The following CCR3 variants were observed in gnomAD, a reference collection of about 807,000 sequenced individuals.
CCR3 encodes the protein C-C chemokine receptor type 3.
For missense variants in CCR3, 419 were observed against 437.5 expected, an observed-to-expected ratio of 0.96 and a Z score of 0.38; for synonymous variants, 203 against 179.2, an observed-to-expected ratio of 1.13 and a Z score of -1.06.
At chr3:46,228,708 CA>C (rs1197714003) in intron 2 of CCR3, among the ~76,000 whole-genome samples, 33 of 152,336 alleles carry the variant, frequency 2.2e-4, no homozygotes, top group African/African-American at 7.7e-4. Context: ...TATTCTCTGC[CA>C]TTTGATAACT....
intron 2 of CCR3, among the ~76,000 whole-genome samples, chr3:46,223,330 A>G (rs1407317117): frequency 6.6e-6 from 1 of 151,866 alleles, no homozygotes; most frequent in African/African-American, 2.4e-5. Flanking sequence ...ACAGAGCAAG[A>G]CTCTGTCTTG....
At chr3:46,223,881 C>A (rs146725451) in intron 2 of CCR3, among the ~76,000 whole-genome samples, 1 of 152,240 alleles carries the variant, frequency 6.6e-6, no homozygotes, top group East Asian at 1.9e-4. Flanking sequence ...CAGTGGATGA[C>A]TTGAGCAGGT....
chr3:46,257,541 G>C (rs1700452761), intron 1 of CCR3, among the ~76,000 whole-genome samples: 2 of 149,110 alleles, frequency 1.3e-5, no homozygotes, highest in African/African-American at 4.9e-5. Flanking sequence ...ATGAAATTTT[G>C]AGTAGGAATT....
At chr3:46,222,700 G>A (rs1341343971) in intron 2 of CCR3, among the ~76,000 whole-genome samples, 1 of 152,194 alleles carries the variant, frequency 6.6e-6, no homozygotes, top group Non-Finnish European at 1.5e-5. Context: ...TCAGATGCCA[G>A]CCATGCCACC....
chr3:46,265,384 C>T lies in CCR3; in HGVS notation c.226C>T (p.Leu76=). Residue 76 remains leucine (L), a synonymous_variant, in exon 2 of 2, where the codon CTG becomes TTG. Coordinates refer to ENST00000395940, the MANE Select transcript of CCR3 (RefSeq NM_178329.3). ...RIMTNIYLLN[L]AISDLLFLVT... is the part of the protein sequence containing the mutation. Reference sequence around the variant, plus strand: ...TATGACCAACATCTACCTGCTCAACCTGGCCATTTCGGACCTGCTCTTCCT... The same window carrying T: ...TATGACCAACATCTACCTGCTCAACTTGGCCATTTCGGACCTGCTCTTCCT... 1 of 1,614,162 alleles carries T rather than the reference C, an allele frequency of 6.2e-7. No individual in the cohort carries two copies. The highest frequency in any genetic ancestry group is 1.1e-5 in the South Asian group (1 of 91,080).
chr3:46,235,618 G>A (rs1333771165), intron 2 of CCR3, among the ~76,000 whole-genome samples: 2 of 152,224 alleles, frequency 1.3e-5, no homozygotes, highest in African/African-American at 4.8e-5. Context: ...CTTGACATAA[G>A]TAACTCCATC....
intron 1 of CCR3, among the ~76,000 whole-genome samples, chr3:46,256,037 A>T (rs13085359): frequency 0.058 from 8,760 of 151,854 alleles, 387 homozygotes; most frequent in South Asian, 0.19. Flanking sequence ...TGAGCATGGG[A>T]TGTGTTTCCA....
intron 1 of CCR3, among the ~76,000 whole-genome samples, chr3:46,254,693 A>G (rs1032439918): frequency 5.9e-5 from 9 of 152,086 alleles, no homozygotes; most frequent in African/African-American, 1.9e-4. Context: ...ATGCCTTTGC[A>G]TCCTCACATC....
Position 46,266,019 on chromosome 3 carries a change from GGTGAT to G in CCR3, c.862_866del (p.Val288ArgfsTer44), listed in dbSNP as rs1194038178. On this transcript the variant is annotated frameshift_variant, in exon 2 of 2. Coordinates refer to ENST00000395940, the MANE Select transcript of CCR3 (RefSeq NM_178329.3). LOFTEE classifies it low-confidence loss of function (END_TRUNC). ...TGGACCTGGTCATGCTGGTGACAGA[GGTGAT>G]CGCCTACTCCCACTGCTGCATGAAC... The G allele has an allele frequency of 1.9e-6, 3 of 1,613,970 alleles. No individual in the cohort carries two copies. The highest frequency in any genetic ancestry group is 2.5e-6 in the Non-Finnish European group (3 of 1,180,010).
At chr3:46,218,092 G>A (rs1234756941) in intron 2 of CCR3, among the ~76,000 whole-genome samples, 1 of 151,990 alleles carries the variant, frequency 6.6e-6, no homozygotes, top group Non-Finnish European at 1.5e-5. Flanking sequence ...AAGAAAAGAA[G>A]AGAGAAGTTC....
rs1388096437 is a variant in CCR3, at chr3:46,243,676, G to T, written c.-12+1138G>T. ...GTATAAGTTGAAGTATATTTTTGAA[G>T]TGCAGCTCTTTCCAGAAAATGGTGA... is the stretch of plus-strand genomic sequence containing the variant. On this transcript the variant is annotated intron_variant, in intron 1 of 1. Coordinates refer to ENST00000395940, the MANE Select transcript of CCR3 (RefSeq NM_178329.3). Among the ~76,000 whole-genome samples, 3 of 152,148 alleles carry T rather than the reference G, an allele frequency of 2.0e-5. No individual in the cohort carries two copies. The East Asian group carries it at 5.8e-4, about 29-fold the overall frequency.
chr3:46,261,729 G>A (rs936730120), intron 1 of CCR3, among the ~76,000 whole-genome samples: 1 of 152,236 alleles, frequency 6.6e-6, no homozygotes, highest in Non-Finnish European at 1.5e-5. Context: ...AAAAGATCTA[G>A]TTTGTACTCT....
chr3:46,265,383 C>T lies in CCR3; in HGVS notation c.225C>T (p.Asn75=), dbSNP rs200075453. The T allele has an allele frequency of 3.0e-5, 49 of 1,614,076 alleles. No homozygotes were observed. Among genetic ancestry groups the T allele is most frequent in the Non-Finnish European group, 3.8e-5 (45 of 1,180,012 alleles). Residue 75 remains asparagine, a synonymous_variant, in exon 2 of 2, where the codon AAC becomes AAT. Transcript: ENST00000395940. ...TTATGACCAACATCTACCTGCTCAACCTGGCCATTTCGGACCTGCTCTTCC... is the reference window on the plus strand; with the variant it reads ...TTATGACCAACATCTACCTGCTCAATCTGGCCATTTCGGACCTGCTCTTCC... ...LRIMTNIYLL[N]LAISDLLFLV...
chr3:46,255,370 C>A (rs1015890231), intron 1 of CCR3, among the ~76,000 whole-genome samples: 9 of 152,176 alleles, frequency 5.9e-5, no homozygotes, highest in Non-Finnish European at 1.2e-4. Flanking sequence ...CTGATTATTT[C>A]TTTTGCTGTG....
intron 1 of CCR3, among the ~76,000 whole-genome samples, chr3:46,259,553 A>G (rs1700486099): frequency 6.6e-6 from 1 of 152,218 alleles, no homozygotes; most frequent in Non-Finnish European, 1.5e-5. Context: ...AATATAACAT[A>G]AAGAAGATTT....
chr3:46,242,220 C>T (rs1700096232), upstream of CCR3, among the ~76,000 whole-genome samples: 1 of 151,830 alleles, frequency 6.6e-6, no homozygotes, highest in African/African-American at 2.4e-5. Context: ...GCACTAATTG[C>T]AAGGATTTCT....
At chr3:46,237,391 C>T (rs1455300363) in intron 2 of CCR3, among the ~76,000 whole-genome samples, 2 of 152,150 alleles carry the variant, frequency 1.3e-5, no homozygotes, top group Non-Finnish European at 2.9e-5. Context: ...CAGATTGTCT[C>T]TTCACTCCGT....
chr3:46,231,742 G>C (rs1411646945), intron 2 of CCR3, among the ~76,000 whole-genome samples: 1 of 152,170 alleles, frequency 6.6e-6, no homozygotes, highest in African/African-American at 2.4e-5. Flanking sequence ...AACTCATCAA[G>C]TTGTATAGAT....
upstream of CCR3, among the ~76,000 whole-genome samples, chr3:46,237,581 A>C (rs905004710): frequency 6.6e-6 from 1 of 152,168 alleles, no homozygotes; most frequent in Non-Finnish European, 1.5e-5. Flanking sequence ...TTTTATGTTT[A>C]CATTTTTAAT....
Sources: allele counts gnomAD v4.1 joint callset (sites outside exome capture counted in the v4.1 genomes callset), GRCh38; gene constraint gnomAD v4.1.1; transcripts MANE v1.5; gene names NCBI Gene and HGNC (gene_info 2026-07-23, HGNC 2026-07-21).